The following CNTNAP2 variants were observed in gnomAD, a reference collection of about 807,000 sequenced individuals.
CNTNAP2 encodes contactin-associated protein-like 2.
CNTNAP2 carries 98 observed loss-of-function variants against 155.2 expected under a neutral mutation model. The observed-to-expected ratio is 0.63, with a 90% CI of 0.54 to 0.75. CNTNAP2 has a LOEUF of 0.75. Among genes scored for constraint, CNTNAP2 ranks in the 30% least tolerant of loss-of-function variants. The probability of loss-of-function intolerance (pLI) is 0.00; values close to 1 mark genes in which losing one functional copy is unlikely to be tolerated. For missense variants in CNTNAP2, 1,727 were observed against 1,688.1 expected (o/e 1.02, Z -0.40); for synonymous variants, 651 against 631.2 (o/e 1.03, Z -0.47).
At chr7:147,059,371 A>C (rs571102730) in intron 4 of CNTNAP2, among the ~76,000 whole-genome samples, 4 of 152,216 alleles carry the variant, frequency 2.6e-5, no homozygotes, top group African/African-American at 9.6e-5. Context: ...GGCACAGATA[A>C]TCCAGTTACT....
At chr7:147,211,348 T>C (rs929368385) in intron 8 of CNTNAP2, among the ~76,000 whole-genome samples, 2 of 152,018 alleles carry the variant, frequency 1.3e-5, no homozygotes, top group South Asian at 4.1e-4. Flanking sequence ...CAGTTACGTC[T>C]TCTCATTGAA....
intron 14 of CNTNAP2, among the ~76,000 whole-genome samples, chr7:147,964,501 A>G (rs1801170540): frequency 6.6e-6 from 1 of 152,140 alleles, no homozygotes; most frequent in Non-Finnish European, 1.5e-5. Flanking sequence ...GCACGTGGCA[A>G]TTTCCCCTTC....
At chr7:146,282,065 A>G (rs1370460790) in intron 1 of CNTNAP2, among the ~76,000 whole-genome samples, 1 of 152,182 alleles carries the variant, frequency 6.6e-6, no homozygotes, top group Non-Finnish European at 1.5e-5. Flanking sequence ...GAAAAAGTTT[A>G]TGTTAGCATT....
intron 15 of CNTNAP2, among the ~76,000 whole-genome samples, chr7:148,060,898 C>T (rs1017276815): frequency 1.3e-5 from 2 of 152,038 alleles, no homozygotes; most frequent in Non-Finnish European, 2.9e-5. Context: ...GAAAAAGTAA[C>T]AGCAAGTGAA....
At chr7:146,397,390 A>T (rs1021008450) in intron 1 of CNTNAP2, among the ~76,000 whole-genome samples, 3 of 152,130 alleles carry the variant, frequency 2.0e-5, no homozygotes, top group Admixed American at 1.3e-4. Context: ...GCTATTGTTG[A>T]TTGCCTGTCA....
intron 8 of CNTNAP2, among the ~76,000 whole-genome samples, chr7:147,188,664 A>G (rs1025545574): frequency 6.6e-6 from 1 of 152,190 alleles, no homozygotes; most frequent in African/African-American, 2.4e-5. Flanking sequence ...TTCAAGGTGC[A>G]AAGATATTCT....
At chr7:146,547,217 G>T (rs1798042366) in intron 1 of CNTNAP2, among the ~76,000 whole-genome samples, 1 of 151,986 alleles carries the variant, frequency 6.6e-6, no homozygotes, top group Non-Finnish European at 1.5e-5. Context: ...CTATTATTTT[G>T]AGACTTTAAT....
chr7:148,196,373 C>A (rs1228719145), intron 18 of CNTNAP2, among the ~76,000 whole-genome samples: 1 of 152,110 alleles, frequency 6.6e-6, no homozygotes, highest in African/African-American at 2.4e-5. Flanking sequence ...TAGAAGAGTT[C>A]GCTGCAGCAG....
chr7:147,218,640 C>A (rs1365883674), intron 8 of CNTNAP2, among the ~76,000 whole-genome samples: 1 of 151,538 alleles, frequency 6.6e-6, no homozygotes. Flanking sequence ...TGTTTTATTG[C>A]CTAGAATATG....
intron 1 of CNTNAP2, among the ~76,000 whole-genome samples, chr7:146,527,666 A>G (rs1797710737): frequency 6.6e-6 from 1 of 152,014 alleles, no homozygotes; most frequent in Non-Finnish European, 1.5e-5. Flanking sequence ...ATCAGAATCC[A>G]TGTAGGAAAT....
At chr7:147,044,085 G>C in intron 4 of CNTNAP2, 31 bp downstream of exon 4, 3 of 1,612,018 alleles carry the variant, frequency 1.9e-6, no homozygotes, top group Non-Finnish European at 2.5e-6. Context: ...ATTTGTGGCA[G>C]GTTTTATCTT....
In CNTNAP2 at chr7:148,091,293, T is replaced by G. The variant is rs115323700; in HGVS notation, c.2384-26825T>G. Among the ~76,000 whole-genome samples the G allele has an allele frequency of 5.8e-3, 890 of 152,330 alleles. 12 individuals are homozygous for G. The highest frequency in any genetic ancestry group is 0.02 in the African/African-American group (852 of 41,586). On this transcript the variant is annotated intron_variant, in intron 15 of 23. Coordinates refer to ENST00000361727, the MANE Select transcript of CNTNAP2 (RefSeq NM_014141.6). ...ATACCTTTATTTAGCCATTCTACAATGTGTACTGTGTATGTACATGTGTAT... is the reference window on the plus strand; with the variant it reads ...ATACCTTTATTTAGCCATTCTACAAGGTGTACTGTGTATGTACATGTGTAT...
At chr7:148,249,895 C>T (rs923070201) in intron 20 of CNTNAP2, among the ~76,000 whole-genome samples, 3 of 152,330 alleles carry the variant, frequency 2.0e-5, no homozygotes, top group East Asian at 1.9e-4. Flanking sequence ...GGCCTCCTGA[C>T]GGGTCTCCAA....
intron 1 of CNTNAP2, among the ~76,000 whole-genome samples, chr7:146,505,992 C>A (rs545800216): frequency 1.3e-5 from 2 of 152,228 alleles, no homozygotes; most frequent in Admixed American, 6.5e-5. Flanking sequence ...TCAATAATAC[C>A]AGTAGTTTGT....
intron 15 of CNTNAP2, among the ~76,000 whole-genome samples, chr7:148,000,082 G>A (rs1165854765): frequency 1.3e-5 from 2 of 152,196 alleles, no homozygotes; most frequent in Non-Finnish European, 2.9e-5. Context: ...TCAACTCCAA[G>A]AGGATTGGGC....
chr7:147,735,756 G>C (rs1277846661), intron 13 of CNTNAP2, among the ~76,000 whole-genome samples: 1 of 152,184 alleles, frequency 6.6e-6, no homozygotes, highest in Non-Finnish European at 1.5e-5. Flanking sequence ...TTGTTGAATT[G>C]ATCCCTTTAC....
rs1796374987 is a variant in CNTNAP2 at position 148,252,215 on chromosome 7, C to CCTTAATACATT, written c.3382-14814_3382-14804dup. Among the ~76,000 whole-genome samples the CCTTAATACATT allele has an allele frequency of 2.0e-5, 3 of 152,168 alleles. No individual in the cohort carries two copies. The South Asian group carries it at 6.2e-4, about 32-fold the overall frequency. ...GTTTCTTCATCCAGATCTTTTCATC[C>CCTTAATACATT]CTTAATACATTCTTTCTCTCAAGAA... On this transcript the variant is annotated intron_variant, in intron 20 of 23. Coordinates refer to ENST00000361727, the MANE Select transcript of CNTNAP2 (RefSeq NM_014141.6).
chr7:146,587,419 C>T (rs1315015902), intron 1 of CNTNAP2, among the ~76,000 whole-genome samples: 2 of 152,062 alleles, frequency 1.3e-5, no homozygotes, highest in African/African-American at 2.4e-5. Context: ...CTAAGAAGGA[C>T]ATAAGTCTAA....
At chr7:147,748,316 C>A (rs17170668) in intron 13 of CNTNAP2, among the ~76,000 whole-genome samples, 1,665 of 152,080 alleles carry the variant, frequency 0.011, 95 homozygotes, top group Admixed American at 0.087. Flanking sequence ...ACTTACTGAA[C>A]ATGAGTTAAA....
Sources: allele counts gnomAD v4.1 joint callset (sites outside exome capture counted in the v4.1 genomes callset), GRCh38; gene constraint gnomAD v4.1.1; transcripts MANE v1.5; gene names NCBI Gene and HGNC (gene_info 2026-07-23, HGNC 2026-07-21).